ABCB5: variants seen among roughly 807,000 people sequenced by gnomAD.
ABCB5 encodes ATP binding cassette subfamily B member 5, also known as ATP-binding cassette sub-family B member 5.
A neutral mutation model predicts 144.2 loss-of-function variants in ABCB5; 155 were observed. That is an observed-to-expected ratio of 1.08 (90% CI 0.94 to 1.23). The LOEUF (loss-of-function observed/expected upper bound fraction) is 1.23, where lower values mean the gene tolerates loss of function less well. Ranked by LOEUF, ABCB5 falls within the 50% of genes most tolerant of loss-of-function variation. ABCB5 has a pLI of 0.00. For synonymous variants in ABCB5, 610 were observed against 528.6 expected (o/e 1.15, Z -2.11); for missense variants, 1,830 against 1,520.8 (o/e 1.20, Z -3.38).
intron 27 of ABCB5, 22 bp from the exon 28 acceptor site, chr7:20,755,405 C>T: frequency 6.2e-7 from 1 of 1,611,432 alleles, no homozygotes; most frequent in South Asian, 1.1e-5. Flanking sequence ...AACTGGTGAT[C>T]ACAGGTCTTT....
At chr7:20,694,235 T>G (rs1322180631) in intron 16 of ABCB5, among the ~76,000 whole-genome samples, 2 of 151,864 alleles carry the variant, frequency 1.3e-5, no homozygotes, top group Non-Finnish European at 2.9e-5. Context: ...TAACAAAATG[T>G]AACAAATCTA....
rs553108947 is a variant in ABCB5 at position 20,654,077 on chromosome 7, T to A, written c.1536+2454T>A. On this transcript the variant is annotated intron_variant, in intron 13 of 27. Transcript: ENST00000404938. Reference sequence around the variant, plus strand: ...GGAGGTTGTGTTCTGCCAAGTTATGTGGCTTTCTACAAATTCACCCCAAGG... The same window carrying A: ...GGAGGTTGTGTTCTGCCAAGTTATGAGGCTTTCTACAAATTCACCCCAAGG... Among the ~76,000 whole-genome samples, 5 of 152,294 alleles carry A rather than the reference T, an allele frequency of 3.3e-5. No homozygotes were observed. The South Asian group carries it at 1.0e-3, about 32-fold the overall frequency.
chr7:20,650,312 C>A (rs13244876), intron 12 of ABCB5, among the ~76,000 whole-genome samples, 165 bp downstream of exon 12: 13,332 of 152,198 alleles, frequency 0.088, 642 homozygotes, highest in East Asian at 0.17. Context: ...TTATTTAGAG[C>A]CTACTATGTG....
At chr7:20,722,307 G>C (rs1273405975) in intron 20 of ABCB5, among the ~76,000 whole-genome samples, 1 of 152,166 alleles carries the variant, frequency 6.6e-6, no homozygotes, top group Non-Finnish European at 1.5e-5. Context: ...ACCTATCATT[G>C]AGAAGACAAA....
At chr7:20,637,554 G>A (rs751481252) in intron 5 of ABCB5, among the ~76,000 whole-genome samples, 9 of 151,852 alleles carry the variant, frequency 5.9e-5, no homozygotes, top group Non-Finnish European at 2.9e-5. Context: ...GTGAGTAGCT[G>A]GGAATACAAG....
chr7:20,689,720 G>C (rs1054934627), intron 16 of ABCB5, among the ~76,000 whole-genome samples: 5 of 152,146 alleles, frequency 3.3e-5, no homozygotes, highest in African/African-American at 1.2e-4. Context: ...GCACCAGAAA[G>C]ATAAGGAAGA....
In ABCB5 at chr7:20,651,486, G is replaced by A; in HGVS notation, c.1399G>A (p.Val467Ile). ...VRHYRDHIGV[V>I]SQEPVLFGTT... ...GCATTATCGAGACCATATTGGAGTG[G>A]TTAGTCAAGAGCCTGTTTTGTTCGG... Residue 467 changes from valine to isoleucine, a missense_variant, in exon 13 of 28, where the codon GTT becomes ATT. By Grantham distance (29) the Val-to-Ile change is conservative (BLOSUM62 3). Coordinates refer to ENST00000404938, the MANE Select transcript of ABCB5 (RefSeq NM_001163941.2). 1 of 1,614,068 alleles carries A rather than the reference G, an allele frequency of 6.2e-7. No homozygotes were observed. The highest frequency in any genetic ancestry group is 8.5e-7 in the Non-Finnish European group (1 of 1,180,002).
intron 14 of ABCB5, among the ~76,000 whole-genome samples, chr7:20,677,762 A>T (rs7785558): frequency 0.033 from 4,994 of 152,082 alleles, 224 homozygotes; most frequent in African/African-American, 0.095. Context: ...TTATAAAAGT[A>T]CCCTTTGCCC....
At chr7:20,627,257 T>C (rs1409434263) in intron 3 of ABCB5, among the ~76,000 whole-genome samples, 1 of 152,002 alleles carries the variant, frequency 6.6e-6, no homozygotes, top group Non-Finnish European at 1.5e-5. Context: ...TAAAAAAAAC[T>C]GAATAGTAGC....
rs1783057789 is a variant in ABCB5 at position 20,755,435 on chromosome 7, G to A, written c.3585G>A (p.Gln1195=). ...GTCTTTCTCTCTTCCAGGTGGTTCAGCATGCCCTTGATAAAGCCAGGACGG... is the reference window on the plus strand; with the variant it reads ...GTCTTTCTCTCTTCCAGGTGGTTCAACATGCCCTTGATAAAGCCAGGACGG... ...ALDNDSEKVV[Q]HALDKARTGR... is the part of the protein sequence containing the mutation. Residue 1195 remains glutamine, a synonymous_variant, in exon 28 of 28, where the codon CAG becomes CAA. Transcript: ENST00000404938. 1.2e-6 allele frequency: 2 copies of A among 1,614,034 alleles called. No homozygotes were observed. The highest frequency in any genetic ancestry group is 1.3e-5 in the African/African-American group (1 of 74,920).
At chr7:20,739,478 G>C (rs758567626) in intron 24 of ABCB5, among the ~76,000 whole-genome samples, 1 of 152,142 alleles carries the variant, frequency 6.6e-6, no homozygotes, top group Non-Finnish European at 1.5e-5. Flanking sequence ...GTAACATAAA[G>C]AGTTAAAAGT....
Position 20,698,477 on chromosome 7 carries a change from T to A in ABCB5, c.2081T>A (p.Leu694Gln). 6.2e-7 allele frequency: 1 copy of A among 1,605,032 alleles called. No homozygotes were observed. The highest frequency in any genetic ancestry group is 8.5e-7 in the Non-Finnish European group (1 of 1,177,178). ...AAGCCTGAATGGCCTTTTGTGGTTC[T>A]GGGGACATTGGCTTCTGTTCTAAAT... ...LNKPEWPFVV[L>Q]GTLASVLNGT... is the part of the protein sequence containing the mutation. Residue 694 changes from leucine to glutamine, a missense_variant, in exon 17 of 28, where the codon CTG becomes CAG. Transcript: ENST00000404938.
chr7:20,650,069 C>T lies in ABCB5; in HGVS notation c.1254C>T (p.Ala418=). 6.2e-7 allele frequency: 1 copy of T among 1,613,586 alleles called. No homozygotes were observed. Among genetic ancestry groups the T allele is most frequent in the South Asian group, 1.1e-5 (1 of 91,064 alleles). ...NLRIKSGETV[A]LVGLNGSGKS... is the part of the protein sequence containing the mutation. The stretch of plus-strand genomic sequence containing the variant: ...GAATTAAGTCTGGAGAGACAGTCGC[C>T]TTGGTCGGTCTCAATGGCAGTGGGA... The change falls in exon 12 of 28, where the codon GCC becomes GCT. Residue 418 remains alanine (A), a synonymous_variant. Coordinates refer to ENST00000404938, the MANE Select transcript of ABCB5 (RefSeq NM_001163941.2).
Position 20,648,027 on chromosome 7 carries a change from T to G in ABCB5, c.1155T>G (p.Thr385=), listed in dbSNP as rs1754208348. Reference sequence around the variant, plus strand: ...ATAAACCTGAATCCATAGAAGGAACTGTGGAATTTAAAAATGTTTCTTTCA... The same window carrying G: ...ATAAACCTGAATCCATAGAAGGAACGGTGGAATTTAAAAATGTTTCTTTCA... ...AGYKPESIEG[T]VEFKNVSFNY... The change falls in exon 11 of 28, where the codon ACT becomes ACG. Residue 385 remains threonine (T), a synonymous_variant. Coordinates refer to ENST00000404938, the MANE Select transcript of ABCB5 (RefSeq NM_001163941.2). 6.2e-7 allele frequency: 1 copy of G among 1,612,086 alleles called. No individual in the cohort carries two copies. Among genetic ancestry groups the G allele is most frequent in the African/African-American group, 1.3e-5 (1 of 74,892 alleles).
At chr7:20,733,358 G>A (rs1308282453) in intron 23 of ABCB5, among the ~76,000 whole-genome samples, 2 of 151,960 alleles carry the variant, frequency 1.3e-5, no homozygotes, top group Non-Finnish European at 2.9e-5. Context: ...CTATTTTATA[G>A]CCCTAAAATA....
At chr7:20,751,599 T>G (rs1782932941) in intron 26 of ABCB5, among the ~76,000 whole-genome samples, 2 of 152,246 alleles carry the variant, frequency 1.3e-5, no homozygotes, top group Non-Finnish European at 2.9e-5. Context: ...TTGTATGTTC[T>G]TCAGCTGCCC....
At chr7:20,665,624 T>C (rs1026251654) in intron 14 of ABCB5, among the ~76,000 whole-genome samples, 1 of 151,620 alleles carries the variant, frequency 6.6e-6, no homozygotes, top group Non-Finnish European at 1.5e-5. Flanking sequence ...CTGAGAGAGG[T>C]GGGGAAGTGA....
chr7:20,639,482 T>G (rs34724473), intron 5 of ABCB5, among the ~76,000 whole-genome samples: 50,671 of 152,082 alleles, frequency 0.33, 8,764 homozygotes, highest in Non-Finnish European at 0.39. Flanking sequence ...TTTTAACTCT[T>G]AAACTTAGGT....
intron 12 of ABCB5, 62 bp downstream of exon 12, chr7:20,650,209 C>T: frequency 6.4e-7 from 1 of 1,571,446 alleles, no homozygotes; most frequent in Non-Finnish European, 8.6e-7. Flanking sequence ...CACCGCAGGG[C>T]TGGCAGCTCT....
Sources: gnomAD v4.1 joint callset for allele counts (sites outside exome capture counted in the v4.1 genomes callset) on GRCh38, gnomAD v4.1.1 for gene constraint, MANE v1.5 for transcripts, NCBI Gene and HGNC (gene_info 2026-07-23, HGNC 2026-07-21) for gene names.